LCA5: variants seen among roughly 807,000 people sequenced by gnomAD.
The protein encoded by LCA5 is lebercilin LCA5, also known as lebercilin.
LCA5 carries 37 observed loss-of-function variants against 53.0 expected under a neutral mutation model. The ratio of observed to expected loss-of-function variants is 0.70; its 90% CI spans 0.54 to 0.92. LCA5 has a LOEUF of 0.92. Among genes scored for constraint, LCA5 ranks in the 40% least tolerant of loss-of-function variants. The pLI, the probability that LCA5 is intolerant of heterozygous loss-of-function variation, is 0.00. For missense variants in LCA5, 806 were observed against 790.5 expected, an observed-to-expected ratio of 1.02 and a Z score of -0.23; for synonymous variants, 303 against 282.9, an observed-to-expected ratio of 1.07 and a Z score of -0.71.
At chr6:79,497,956 C>CAAA (rs34167121) in intron 3 of LCA5, among the ~76,000 whole-genome samples, 3 of 92,772 alleles carry the variant, frequency 3.2e-5, no homozygotes, top group African/African-American at 7.6e-5. Flanking sequence ...GACTCCATCT[C>CAAA]AAAAAAAAAA....
At chr6:79,488,084 T>A (rs1396863273) in intron 7 of LCA5, 2 of 509,040 alleles carry the variant, frequency 3.9e-6, no homozygotes, top group Non-Finnish European at 6.8e-6. Context: ...ATAAAAAAAT[T>A]TGTTCTTTGA....
chr6:79,497,882 A>G (rs1770024695), intron 3 of LCA5, among the ~76,000 whole-genome samples: 1 of 150,898 alleles, frequency 6.6e-6, no homozygotes, highest in South Asian at 2.1e-4. Context: ...CTGAGTCAGG[A>G]GAATCGCTTG....
chr6:79,512,006 G>A (rs1382473524), intron 3 of LCA5, among the ~76,000 whole-genome samples: 1 of 152,002 alleles, frequency 6.6e-6, no homozygotes, highest in African/African-American at 2.4e-5. Flanking sequence ...GCAATTTCAT[G>A]TTCTCTCTCT....
Position 79,519,088 on chromosome 6 carries a change from G to A in LCA5, c.-191-3C>T. ...TCCAGAAGATAAACTTTTTTGCCCT[G>A]AAATTAAGGAAGGGGAAAGGAGACT... is the stretch of plus-strand genomic sequence containing the variant. On this transcript the variant is annotated splice_region_variant and splice_polypyrimidine_tract_variant and intron_variant, in intron 1 of 7. Transcript: ENST00000369846. 3.1e-6 allele frequency: 2 copies of A among 638,548 alleles called. No individual in the cohort carries two copies. Among genetic ancestry groups the A allele is most frequent in the Non-Finnish European group, 2.7e-6 (1 of 363,758 alleles). 39.6% of individuals were successfully genotyped at this position (638,548 alleles called of 1,614,324 possible). A position where few individuals can be genotyped will look rare whatever the true frequency, so the allele number is the denominator to read the frequency against.
intron 3 of LCA5, among the ~76,000 whole-genome samples, chr6:79,500,464 A>C (rs919622485): frequency 6.6e-6 from 1 of 152,200 alleles, no homozygotes; most frequent in Non-Finnish European, 1.5e-5. Flanking sequence ...CATTTGTTAA[A>C]ATAAGTCTAT....
chr6:79,502,364 A>G (rs1409854427), intron 3 of LCA5, among the ~76,000 whole-genome samples: 1 of 152,206 alleles, frequency 6.6e-6, no homozygotes, highest in Non-Finnish European at 1.5e-5. Flanking sequence ...TCCTCTGTGC[A>G]TTACGAGTCT....
chr6:79,500,892 C>A (rs1770119339), intron 3 of LCA5, among the ~76,000 whole-genome samples: 1 of 151,616 alleles, frequency 6.6e-6, no homozygotes, highest in South Asian at 2.1e-4. Context: ...AGCTTTTTGA[C>A]CCCCTGGTTA....
rs781228514 is a variant in LCA5 at position 79,487,031 on chromosome 6, A to G, written c.2067T>C (p.Asp689=). The change falls in exon 8 of 8, where the codon GAT becomes GAC. Residue 689 remains aspartate (D), a synonymous_variant. Transcript: ENST00000369846. ...ATCTCAGTGCTACTTCTTCAATTTCATCTTCTACAGAATCAGCTGCTTTTA... is the reference window on the plus strand; with the variant it reads ...ATCTCAGTGCTACTTCTTCAATTTCGTCTTCTACAGAATCAGCTGCTTTTA... The part of the protein sequence containing the change: ...PAVKAADSVE[D]EIEEVALR The G allele has an allele frequency of 4.3e-6, 7 of 1,613,400 alleles. No individual in the cohort carries two copies. The South Asian group carries it at 7.7e-5, about 18-fold the overall frequency.
In LCA5 at chr6:79,487,438, C is replaced by G; in HGVS notation, c.1660G>C (p.Gly554Arg). Residue 554 changes from glycine (G) to arginine (R), a missense_variant, in exon 8 of 8, where the codon GGT (glycine) becomes CGT (arginine). Physicochemically the swap from Gly to Arg is moderately radical, Grantham distance 125. Coordinates refer to ENST00000369846, the MANE Select transcript of LCA5 (RefSeq NM_001122769.3). ...TTTGCAAACGAAGGCACGTAGCTACCAAATGCGAACTCATTAGGGGAGGCT... is the reference window on the plus strand; with the variant it reads ...TTTGCAAACGAAGGCACGTAGCTACGAAATGCGAACTCATTAGGGGAGGCT... The part of the protein sequence containing the change: ...SPASPNEFAF[G>R]SYVPSFAKTS... 1 of 1,613,642 alleles carries G rather than the reference C, an allele frequency of 6.2e-7. No individual in the cohort carries two copies. Among genetic ancestry groups the G allele is most frequent in the Non-Finnish European group, 8.5e-7 (1 of 1,179,794 alleles).
intron 4 of LCA5, among the ~76,000 whole-genome samples, chr6:79,492,864 T>TA (rs1051893394): frequency 2.0e-5 from 3 of 152,046 alleles, no homozygotes; most frequent in African/African-American, 7.2e-5. Context: ...TCCTGGAAAT[T>TA]AAAAAAATTA....
At chr6:79,504,777 A>G (rs1770232880) in intron 3 of LCA5, among the ~76,000 whole-genome samples, 1 of 152,210 alleles carries the variant, frequency 6.6e-6, no homozygotes, top group Non-Finnish European at 1.5e-5. Context: ...CAGACTTTAA[A>G]AAGCATGAGA....
chr6:79,535,148 T>A (rs1436243901), intron 1 of LCA5, among the ~76,000 whole-genome samples: 1 of 152,184 alleles, frequency 6.6e-6, no homozygotes, highest in Non-Finnish European at 1.5e-5. Flanking sequence ...CTATTTCAAA[T>A]GGACAATGCT....
intron 2 of LCA5, among the ~76,000 whole-genome samples, chr6:79,514,159 T>C (rs1766356232): frequency 6.6e-6 from 1 of 152,164 alleles, no homozygotes; most frequent in Non-Finnish European, 1.5e-5. Context: ...TTGGGATCAT[T>C]ATTTCAAATG....
chr6:79,505,760 A>AG (rs1770257478), intron 3 of LCA5, among the ~76,000 whole-genome samples: 1 of 152,174 alleles, frequency 6.6e-6, no homozygotes, highest in South Asian at 2.1e-4. Flanking sequence ...GTGAAAGGGC[A>AG]GAAAAACTTT....
At chr6:79,528,404 A>G (rs144940493) in intron 1 of LCA5, among the ~76,000 whole-genome samples, 41 of 152,214 alleles carry the variant, frequency 2.7e-4, no homozygotes, top group African/African-American at 9.9e-4. Flanking sequence ...CCCAGTGCTA[A>G]CGTCATGTGG....
At chr6:79,499,519 G>A (rs1402478870) in intron 3 of LCA5, among the ~76,000 whole-genome samples, 1 of 151,800 alleles carries the variant, frequency 6.6e-6, no homozygotes, top group Non-Finnish European at 1.5e-5. Flanking sequence ...GTAGGTACAT[G>A]AATGTTTTAA....
intron 3 of LCA5, among the ~76,000 whole-genome samples, chr6:79,499,456 T>C (rs1770071247): frequency 6.6e-6 from 1 of 152,050 alleles, no homozygotes; most frequent in Non-Finnish European, 1.5e-5. Flanking sequence ...AAGATCTTAA[T>C]GTCAGCTTAT....
intron 1 of LCA5, among the ~76,000 whole-genome samples, chr6:79,534,364 A>T (rs770708629): frequency 2.6e-5 from 4 of 152,074 alleles, no homozygotes; most frequent in Admixed American, 6.6e-5. Context: ...TAAGTACAGT[A>T]CATATTCCCA....
At chr6:79,523,196 GTC>G (rs1562111266) in intron 1 of LCA5, among the ~76,000 whole-genome samples, 1 of 152,066 alleles carries the variant, frequency 6.6e-6, no homozygotes, top group Non-Finnish European at 1.5e-5. Flanking sequence ...AGCAATCGCA[GTC>G]TCTATCAAAA....
Sources: allele counts gnomAD v4.1 joint callset (sites outside exome capture counted in the v4.1 genomes callset), GRCh38; gene constraint gnomAD v4.1.1; transcripts MANE v1.5; gene names NCBI Gene and HGNC (gene_info 2026-07-23, HGNC 2026-07-21).